The following PFKFB2 variants were observed in gnomAD, a reference collection of about 807,000 sequenced individuals.
PFKFB2 encodes the protein 6-phosphofructo-2-kinase/fructose-2,6-biphosphatase 2.
PFKFB2 carries 53 observed loss-of-function variants against 68.0 expected under a neutral mutation model. The ratio of observed to expected loss-of-function variants is 0.78; its 90% CI spans 0.63 to 0.98. The LOEUF (loss-of-function observed/expected upper bound fraction) is 0.98. Among genes scored for constraint, PFKFB2 ranks in the 50% least tolerant of loss-of-function variants. PFKFB2 has a pLI of 0.00. For missense variants in PFKFB2, 451 were observed against 642.0 expected (o/e 0.70, Z 3.22); for synonymous variants, 222 against 227.6 (o/e 0.98, Z 0.22).
chr1:207,063,905 G>T lies in PFKFB2; in HGVS notation c.507+76G>T. The T allele has an allele frequency of 9.7e-7, 1 of 1,034,592 alleles. No homozygotes were observed. Among genetic ancestry groups the T allele is most frequent in the Non-Finnish European group, 1.5e-6 (1 of 656,746 alleles). The allele number at this position is 1,034,592 out of a possible 1,614,324, so 64.1% of individuals were successfully genotyped here. ...TGTTGTGGGGTGTGTGTGTGTGTGT[G>T]TGTGTGTGTGTTGTTGGGGAGGGGT... On this transcript the variant is annotated intron_variant, in intron 7 of 14. Transcript: ENST00000367080. The surrounding 1 kb of genome is among the most constrained non-coding windows in gnomAD (Gnocchi z 4.1).
Position 207,072,326 on chromosome 1 carries a change from C to G in PFKFB2, c.1473C>G (p.Pro491=). ...NYSVGSRPLK[P]LSPLRAQDMQ... is the part of the protein sequence containing the mutation. ...GTGTTGGGAGCCGGCCCCTCAAGCC[C>G]CTCAGCCCTCTCCGTGCCCAGGACA... The change falls in exon 15 of 15, where the codon CCC becomes CCG. Residue 491 remains proline, a synonymous_variant. Transcript: ENST00000367080. The G allele has an allele frequency of 6.2e-7, 1 of 1,614,170 alleles. No individual in the cohort carries two copies. The highest frequency in any genetic ancestry group is 8.5e-7 in the Non-Finnish European group (1 of 1,180,016).
At chr1:207,034,778 A>G (rs936312798) in intron 1 of PFKFB2, among the ~76,000 whole-genome samples, 1 of 152,224 alleles carries the variant, frequency 6.6e-6, no homozygotes, top group African/African-American at 2.4e-5. Context: ...AAACATAAAC[A>G]TCACAGTCGA....
upstream of PFKFB2, chr1:207,051,115 A>C (rs1572711847): frequency 4.9e-6 from 7 of 1,427,302 alleles, no homozygotes; most frequent in South Asian, 1.1e-4. Context: ...GAACTCTTTT[A>C]AAGTGACAAC....
upstream of PFKFB2, chr1:207,048,917 A>G (rs1682663154): frequency 1.9e-6 from 2 of 1,067,312 alleles, no homozygotes; most frequent in Admixed American, 4.6e-5. Flanking sequence ...GGATGGTTCA[A>G]GCATTGTATC....
chr1:207,053,181 G>C (rs968571691), upstream of PFKFB2: 2 of 152,330 alleles, frequency 1.3e-5, no homozygotes, highest in Non-Finnish European at 2.9e-5. Context: ...TCCTGCAGGC[G>C]CCCGATTGGT....
At chr1:207,052,472 A>G (rs1682778873), upstream of PFKFB2, 10 of 434,658 alleles carry the variant, frequency 2.3e-5, 1 homozygote, top group South Asian at 2.7e-4. Flanking sequence ...GACCAGCCTC[A>G]TCAATATGGA....
intron 1 of PFKFB2, 123 bp from the exon 2 acceptor site, chr1:207,054,578 T>C: frequency 1.6e-6 from 1 of 613,372 alleles, no homozygotes; most frequent in Non-Finnish European, 2.9e-6. Context: ...GAAACAGGAC[T>C]GAACCTGCCT....
intron 10 of PFKFB2, among the ~76,000 whole-genome samples, chr1:207,068,689 G>A (rs1683373403): frequency 6.6e-6 from 1 of 151,818 alleles, no homozygotes; most frequent in Non-Finnish European, 1.5e-5. Flanking sequence ...TTCAGGAAAA[G>A]TTTTTCCCAA....
intron 2 of PFKFB2, among the ~76,000 whole-genome samples, chr1:207,060,202 A>G (rs376925374): frequency 2.0e-4 from 30 of 152,326 alleles, no homozygotes; most frequent in African/African-American, 6.7e-4. Context: ...AGCTGCAAGG[A>G]AGCACAAGAT....
Position 207,072,947 on chromosome 1 carries a change from A to G in PFKFB2, c.*576A>G. On this transcript the variant is annotated 3_prime_UTR_variant, in exon 15 of 15. Transcript: ENST00000367080. ...AAGGAAGGGGTGATTGACAAGAGAC[A>G]AGTCTGGCCCAGTTAATGCTTTCTG... The G allele has an allele frequency of 1.0e-6, 1 of 985,706 alleles. No homozygotes were observed. Among genetic ancestry groups the G allele is most frequent in the Non-Finnish European group, 1.2e-6 (1 of 830,180 alleles). The allele number at this position is 985,706 out of a possible 1,614,324, so 61.1% of individuals were successfully genotyped here. A position where few individuals can be genotyped will look rare whatever the true frequency, so the allele number is the denominator to read the frequency against.
chr1:207,035,300 AAG>A, intron 1 of PFKFB2: 1 of 534,228 alleles, frequency 1.9e-6, no homozygotes, highest in Non-Finnish European at 2.4e-6. Context: ...GTGCACATGC[AAG>A]GTGTGTTAGT....
chr1:207,063,369 C>T lies in PFKFB2; in HGVS notation c.398C>T (p.Thr133Ile), dbSNP rs141264336. The change falls in exon 6 of 15, where the codon ACC becomes ATC. Residue 133 changes from threonine (T) to isoleucine (I), a missense_variant. Coordinates refer to ENST00000367080, the MANE Select transcript of PFKFB2 (RefSeq NM_006212.2). This position sits in a 1 kb window ranked among gnomAD's most constrained non-coding sequence, Gnocchi z 4.1. ...CAGGTGTTTGATGCCACCAATACAA[C>T]CCGGGAGAGGAGGGACATGATTTTG... ...QIAVFDATNT[T>I]RERRDMILNF... 6.2e-7 allele frequency: 1 copy of T among 1,613,584 alleles called. No individual in the cohort carries two copies. Among genetic ancestry groups the T allele is most frequent in the African/African-American group, 1.3e-5 (1 of 75,018 alleles).
At position 207,075,479 on chromosome 1, in the gene PFKFB2, G is replaced by T. The variant is rs1404018727; in HGVS notation, c.*3108G>T. The stretch of plus-strand genomic sequence containing the variant: ...CTCTACTTCTCATCTTTTCTCTCCT[G>T]GTCTTACTTGAATGCATGTTGGTAA... On this transcript the variant is annotated 3_prime_UTR_variant, in exon 15 of 15. Coordinates refer to ENST00000367080, the MANE Select transcript of PFKFB2 (RefSeq NM_006212.2). 2 of 985,224 alleles carry T rather than the reference G, an allele frequency of 2.0e-6. No individual in the cohort carries two copies. The highest frequency in any genetic ancestry group is 3.5e-5 in the African/African-American group (2 of 57,212). The allele number at this position is 985,224 out of a possible 1,614,324, so 61.0% of individuals were successfully genotyped here.
At chr1:207,071,480 T>C (rs776369522) in intron 13 of PFKFB2, 29 bp from the exon 14 acceptor site, 5 of 1,592,934 alleles carry the variant, frequency 3.1e-6, no homozygotes, top group Middle Eastern at 1.7e-4. Context: ...CCTTTTTCTT[T>C]AAGTCCTCTC....
In PFKFB2 at chr1:207,063,513, C is replaced by A; in HGVS notation, c.450+92C>A. 1 of 860,708 alleles carries A rather than the reference C, an allele frequency of 1.2e-6. No homozygotes were observed. The highest frequency in any genetic ancestry group is 1.4e-5 in the South Asian group (1 of 71,236). 53.3% of individuals were successfully genotyped at this position (860,708 alleles called of 1,614,324 possible). A position where few individuals can be genotyped will look rare whatever the true frequency, so the allele number is the denominator to read the frequency against. On this transcript the variant is annotated intron_variant, in intron 6 of 14. Transcript: ENST00000367080. This position sits in a 1 kb window ranked among gnomAD's most constrained non-coding sequence, Gnocchi z 4.1. ...GATCTCTCACTCTAGTGGGTGAGGA[C>A]AGGATGGGATATCTGAATCTCTTCT...
chr1:207,069,577 G>A lies in PFKFB2; in HGVS notation c.1092+49G>A, dbSNP rs1683405992. ...GTGACTGCCTAGACCCTTGCTGAGT[G>A]TTTAACTTTAATTTGGGGGAAGGAT... On this transcript the variant is annotated intron_variant, in intron 11 of 14. Transcript: ENST00000367080. 6.7e-6 allele frequency: 8 copies of A among 1,191,822 alleles called. No individual in the cohort carries two copies. The East Asian group carries it at 1.6e-4, about 24-fold the overall frequency. The allele number at this position is 1,191,822 out of a possible 1,614,324, so 73.8% of individuals were successfully genotyped here.
In PFKFB2 at chr1:207,072,538, T is replaced by C. The variant is rs1683496777; in HGVS notation, c.*167T>C. The C allele has an allele frequency of 1.4e-6, 2 of 1,391,842 alleles. No individual in the cohort carries two copies. Among genetic ancestry groups the C allele is most frequent in the Non-Finnish European group, 1.9e-6 (2 of 1,073,528 alleles). 86.2% of individuals were successfully genotyped at this position (1,391,842 alleles called of 1,614,324 possible). On this transcript the variant is annotated 3_prime_UTR_variant, in exon 15 of 15. Transcript: ENST00000367080. ...CACAGAACATGAGGTTATGTGTTTATAGGACAACTTAAGCTGTTCTTCAGT... is the reference window on the plus strand; with the variant it reads ...CACAGAACATGAGGTTATGTGTTTACAGGACAACTTAAGCTGTTCTTCAGT...
intron 2 of PFKFB2, among the ~76,000 whole-genome samples, chr1:207,056,887 C>T (rs1231608593): frequency 6.6e-6 from 1 of 152,166 alleles, no homozygotes; most frequent in Non-Finnish European, 1.5e-5. Context: ...AGCTGGTTCA[C>T]CTGGCAGCTT....
intron 10 of PFKFB2, among the ~76,000 whole-genome samples, chr1:207,068,550 C>T (rs1175189313): frequency 6.6e-6 from 1 of 152,070 alleles, no homozygotes; most frequent in African/African-American, 2.4e-5. Flanking sequence ...TTGAGCCAGC[C>T]TTTCTGGCAC....
Sources: allele counts gnomAD v4.1 joint callset (sites outside exome capture counted in the v4.1 genomes callset), GRCh38; gene constraint gnomAD v4.1.1; non-coding constraint Gnocchi (gnomAD v3.1); transcripts MANE v1.5; gene names NCBI Gene and HGNC (gene_info 2026-07-23, HGNC 2026-07-21).